Variants in MNAT1 observed in about 807,000 individuals in gnomAD.
The protein encoded by MNAT1 is MNAT1 component of CDK activating kinase, also known as CDK-activating kinase assembly factor MAT1.
Under a neutral mutation model 42.0 loss-of-function variants are expected in MNAT1, and 43 were observed. That is an observed-to-expected ratio of 1.02 (90% CI 0.80 to 1.32). MNAT1 has a LOEUF of 1.32. Ranked by LOEUF, MNAT1 falls within the 40% of genes most tolerant of loss-of-function variation. MNAT1 has a pLI of 0.00. For missense variants in MNAT1, 306 were observed against 350.4 expected (o/e 0.87, Z 1.01); for synonymous variants, 118 against 120.0 (o/e 0.98, Z 0.11).
At chr14:60,818,467 G>T (rs1446274244) in intron 5 of MNAT1, among the ~76,000 whole-genome samples, 1 of 151,776 alleles carries the variant, frequency 6.6e-6, no homozygotes, top group African/African-American at 2.4e-5. Flanking sequence ...AAATGTGGTT[G>T]GTTTGCTAGT....
intron 3 of MNAT1, among the ~76,000 whole-genome samples, chr14:60,807,361 T>C (rs867380524): frequency 1.3e-5 from 2 of 152,120 alleles, no homozygotes; most frequent in Middle Eastern, 3.2e-3. Flanking sequence ...ACCCAAGGGA[T>C]AGAGCAGAGT....
chr14:60,843,858 C>T (rs193287342), intron 6 of MNAT1, among the ~76,000 whole-genome samples: 7 of 152,224 alleles, frequency 4.6e-5, no homozygotes, highest in South Asian at 4.1e-4. Context: ...ATCTAAGGAA[C>T]CTTTTCCTTC....
intron 7 of MNAT1, among the ~76,000 whole-genome samples, chr14:60,892,651 C>A (rs186447103): frequency 6.6e-6 from 1 of 151,884 alleles, no homozygotes; most frequent in African/African-American, 2.4e-5. Flanking sequence ...TTTACATGTG[C>A]CTTATAGCTT....
At chr14:60,855,902 G>T (rs570637863) in intron 6 of MNAT1, among the ~76,000 whole-genome samples, 8 of 152,236 alleles carry the variant, frequency 5.3e-5, no homozygotes, top group African/African-American at 1.7e-4. Flanking sequence ...TAAATGTTGC[G>T]TGTGTTCTAC....
At chr14:60,898,124 TGTGTGTGTGTGTGTGTGC>T (rs1462143762) in intron 7 of MNAT1, among the ~76,000 whole-genome samples, 1,037 of 90,886 alleles carry the variant, frequency 0.011, 18 homozygotes, top group African/African-American at 0.033. Flanking sequence ...TGTGTGTGTG[TGTGTGTGTGTGTGTGTGC>T]GCGCGCCACA....
chr14:60,823,356 T>C (rs2032954129), intron 6 of MNAT1, among the ~76,000 whole-genome samples: 1 of 152,172 alleles, frequency 6.6e-6, no homozygotes, highest in African/African-American at 2.4e-5. Context: ...ACAGATTTTC[T>C]TTTTGCCTGA....
intron 1 of MNAT1, among the ~76,000 whole-genome samples, chr14:60,757,412 C>T (rs1220848385): frequency 1.3e-5 from 2 of 152,100 alleles, no homozygotes; most frequent in Non-Finnish European, 2.9e-5. Flanking sequence ...CACACCCACA[C>T]ACAGGCTAGA....
At chr14:60,815,145 C>T (rs1431398841) in intron 5 of MNAT1, among the ~76,000 whole-genome samples, 2 of 151,800 alleles carry the variant, frequency 1.3e-5, no homozygotes, top group Non-Finnish European at 2.9e-5. Flanking sequence ...TATGTTCCAT[C>T]TAATAAAAAA....
chr14:60,858,724 C>T (rs2034023513), intron 6 of MNAT1, among the ~76,000 whole-genome samples: 1 of 152,110 alleles, frequency 6.6e-6, no homozygotes, highest in South Asian at 2.1e-4. Flanking sequence ...CAACCACCAC[C>T]CTGATCAGTC....
chr14:60,931,351 C>G (rs764759130), intron 7 of MNAT1, among the ~76,000 whole-genome samples: 3 of 152,142 alleles, frequency 2.0e-5, no homozygotes, highest in Non-Finnish European at 2.9e-5. Flanking sequence ...GGCAGCTGCT[C>G]AGGCTTGCTT....
chr14:60,766,746 T>C (rs1348867063), intron 1 of MNAT1, among the ~76,000 whole-genome samples: 1 of 152,144 alleles, frequency 6.6e-6, no homozygotes, highest in Non-Finnish European at 1.5e-5. Context: ...CTTTTAGATA[T>C]GGGACAATTA....
chr14:60,890,401 T>C (rs1399465871), intron 7 of MNAT1, among the ~76,000 whole-genome samples: 4 of 152,188 alleles, frequency 2.6e-5, no homozygotes, highest in African/African-American at 4.8e-5. Context: ...GGCTTTTATA[T>C]CAGAATGTAT....
Position 60,903,994 on chromosome 14 carries a change from C to G in MNAT1, c.809+24159C>G, listed in dbSNP as rs144540278. Among the ~76,000 whole-genome samples the G allele has an allele frequency of 6.8e-4, 103 of 151,832 alleles. No homozygotes were observed. The East Asian group carries it at 0.018, about 26-fold the overall frequency. On this transcript the variant is annotated intron_variant, in intron 7 of 7. Coordinates refer to ENST00000261245, the MANE Select transcript of MNAT1 (RefSeq NM_002431.4). ...TCAAGCAATTCTCCTGCCTCAGCCT[C>G]CCGAGTAGCGGGGACTGCAGGCACC...
At chr14:60,748,440 A>C (rs2029926522) in intron 1 of MNAT1, among the ~76,000 whole-genome samples, 1 of 152,164 alleles carries the variant, frequency 6.6e-6, no homozygotes. Context: ...TATGTTGCCC[A>C]GGCTGGTCTT....
intron 7 of MNAT1, among the ~76,000 whole-genome samples, chr14:60,905,259 G>C (rs1264078217): frequency 6.6e-6 from 1 of 151,806 alleles, no homozygotes; most frequent in Non-Finnish European, 1.5e-5. Context: ...TTAAGATGCT[G>C]TTAGATGTTT....
chr14:60,887,545 C>G (rs1209871049), intron 7 of MNAT1, among the ~76,000 whole-genome samples: 2 of 151,516 alleles, frequency 1.3e-5, no homozygotes, highest in African/African-American at 4.9e-5. Flanking sequence ...CATCCATGTC[C>G]CTACAAAGGA....
intron 1 of MNAT1, chr14:60,780,319 T>C (rs2031412041): frequency 6.4e-7 from 1 of 1,554,358 alleles, no homozygotes; most frequent in Non-Finnish European, 8.9e-7. Context: ...AAGATGACAG[T>C]GCACCCAGAG....
At chr14:60,944,264 T>G (rs1241513460) in intron 7 of MNAT1, among the ~76,000 whole-genome samples, 1 of 152,202 alleles carries the variant, frequency 6.6e-6, no homozygotes, top group Non-Finnish European at 1.5e-5. Context: ...ATCGTAAGTT[T>G]CTATAGTCCT....
In MNAT1 at chr14:60,812,069, A is replaced by G. The variant is rs777243159; in HGVS notation, c.503A>G (p.Glu168Gly). The G allele has an allele frequency of 6.2e-7, 1 of 1,603,696 alleles. No homozygotes were observed. Among genetic ancestry groups the G allele is most frequent in the Admixed American group, 1.7e-5 (1 of 58,686 alleles). ...NEQRRLFIQKEEQLQQILKRK... is the reference protein window; with the variant it reads ...NEQRRLFIQKGEQLQQILKRK... Reference sequence around the variant, plus strand: ...CAAAGAAGATTATTTATACAAAAAGAAGAACAACTGCAGCAGATTCTAAAA... The same window carrying G: ...CAAAGAAGATTATTTATACAAAAAGGAGAACAACTGCAGCAGATTCTAAAA... Residue 168 changes from glutamate (E) to glycine (G), a missense_variant, in exon 5 of 8, where the codon GAA becomes GGA. By Grantham distance (98) the Glu-to-Gly change is moderately conservative. Coordinates refer to ENST00000261245, the MANE Select transcript of MNAT1 (RefSeq NM_002431.4).
Sources: allele counts gnomAD v4.1 joint callset (sites outside exome capture counted in the v4.1 genomes callset), GRCh38; gene constraint gnomAD v4.1.1; transcripts MANE v1.5; gene names NCBI Gene and HGNC (gene_info 2026-07-23, HGNC 2026-07-21).